KCNQ1: variants seen among roughly 807,000 people sequenced by gnomAD.
KCNQ1 encodes the protein potassium voltage-gated channel subfamily Q member 1, also known as potassium voltage-gated channel subfamily KQT member 1.
KCNQ1 carries 49 observed loss-of-function variants against 72.4 expected under a neutral mutation model. The observed-to-expected ratio is 0.68, with a 90% CI of 0.54 to 0.86. The LOEUF (loss-of-function observed/expected upper bound fraction) is 0.86. KCNQ1 is among the 40% of genes least tolerant of loss of function. KCNQ1 has a pLI of 0.00. For missense variants in KCNQ1, 790 were observed against 945.1 expected (o/e 0.84, Z 2.15); for synonymous variants, 450 against 412.6 (o/e 1.09, Z -1.10).
Position 2,682,880 on chromosome 11 carries a change from T to C in KCNQ1, c.1514+20799T>C, listed in dbSNP as rs541399111. ...AGACCAGGAAACTGAGGCTTGGGGATAGCAGATGTTCCCAGACAGAAAATG... is the reference window on the plus strand; with the variant it reads ...AGACCAGGAAACTGAGGCTTGGGGACAGCAGATGTTCCCAGACAGAAAATG... On this transcript the variant is annotated intron_variant, in intron 11 of 15. Coordinates refer to ENST00000155840, the MANE Select transcript of KCNQ1 (RefSeq NM_000218.3). The surrounding 1 kb of genome is among the most constrained non-coding windows in gnomAD (Gnocchi z 5.8). 2.5e-6 allele frequency: 1 copy of C among 398,634 alleles called. No individual in the cohort carries two copies. Among genetic ancestry groups the C allele is most frequent in the African/African-American group, 2.1e-5 (1 of 48,754 alleles). The allele number at this position is 398,634 out of a possible 1,614,324, so 24.7% of individuals were successfully genotyped here. A position where few individuals can be genotyped will look rare whatever the true frequency, so the allele number is the denominator to read the frequency against.
chr11:2,549,149 G>A lies in KCNQ1; in HGVS notation c.477+21131G>A, dbSNP rs1485748260. 6.6e-6 allele frequency among the ~76,000 whole-genome samples: 1 copy of A among 152,196 alleles called. No homozygotes were observed. The highest frequency in any genetic ancestry group is 1.5e-5 in the Non-Finnish European group (1 of 68,028). On this transcript the variant is annotated intron_variant, in intron 2 of 15. Coordinates refer to ENST00000155840, the MANE Select transcript of KCNQ1 (RefSeq NM_000218.3). This position sits in a 1 kb window ranked among gnomAD's most constrained non-coding sequence, Gnocchi z 6.2. ...GAGATCTGAGAAGCCAGGCTAGGGG[G>A]TTGTGGAGCAAATGATGATGTCTCA...
intron 15 of KCNQ1, among the ~76,000 whole-genome samples, chr11:2,822,852 A>T (rs1847765967): frequency 6.6e-6 from 1 of 152,222 alleles, no homozygotes; most frequent in Non-Finnish European, 1.5e-5. Context: ...CATAGGCCAG[A>T]GTAGGACATT....
intron 11 of KCNQ1, chr11:2,696,597 C>T: frequency 2.5e-6 from 1 of 398,616 alleles, no homozygotes; most frequent in Admixed American, 4.4e-5. Context: ...TTACTCAAGC[C>T]CTCCAACTGG....
intron 10 of KCNQ1, chr11:2,616,126 G>A: frequency 2.5e-6 from 1 of 397,268 alleles, no homozygotes; most frequent in Non-Finnish European, 4.4e-6. Context: ...TATATAATTT[G>A]TTGGTATACA....
At chr11:2,558,630 G>T in intron 2 of KCNQ1, among the ~76,000 whole-genome samples, 1 of 152,318 alleles carries the variant, frequency 6.6e-6, no homozygotes, top group Admixed American at 6.5e-5. Flanking sequence ...GCCGCGCTTC[G>T]GGAACCCCCA....
intron 11 of KCNQ1, chr11:2,692,802 T>C (rs12275726): frequency 0.012 from 4,788 of 398,684 alleles, 203 homozygotes; most frequent in African/African-American, 0.089. Context: ...CTTGAATGAC[T>C]GCATCCCTAA....
In KCNQ1 at chr11:2,733,774, CCACACACACACACACACA is replaced by C. The variant is rs144399150; in HGVS notation, c.1515-35046_1515-35029del. Among the ~76,000 whole-genome samples the C allele has an allele frequency of 3.0e-4, 17 of 57,488 alleles. 1 individual carries two copies. The highest frequency in any genetic ancestry group is 1.0e-3 in the African/African-American group (16 of 15,240). 37.7% of individuals were successfully genotyped at this position (57,488 alleles called of 152,430 possible). ...GGGCAGGAGGGGGACTTCAGGCCTTCCACACACACACACACACACACACACACACACACACACACACTC... is the reference window on the plus strand; with the variant it reads ...GGGCAGGAGGGGGACTTCAGGCCTTCCACACACACACACACACACACACTC... On this transcript the variant is annotated intron_variant, in intron 11 of 15. Transcript: ENST00000155840.
At chr11:2,445,642 C>G (rs1489024867) in intron 1 of KCNQ1, among the ~76,000 whole-genome samples, 158 bp downstream of exon 1, 1 of 152,172 alleles carries the variant, frequency 6.6e-6, no homozygotes, top group Non-Finnish European at 1.5e-5. Flanking sequence ...TCTGCACTCT[C>G]CCTTGAAGTT....
In KCNQ1 at chr11:2,661,636, A is replaced by T; in HGVS notation, c.1394-325A>T. 1.7e-6 allele frequency: 1 copy of T among 590,982 alleles called. No homozygotes were observed. The highest frequency in any genetic ancestry group is 3.0e-6 in the Non-Finnish European group (1 of 331,728). 36.6% of individuals were successfully genotyped at this position (590,982 alleles called of 1,614,324 possible). A position where few individuals can be genotyped will look rare whatever the true frequency, so the allele number is the denominator to read the frequency against. ...TCACCTCTGTTTTATTCTTGACCCA[A>T]GTGTCAGTTGTGAACATGGGAAGAG... is the stretch of plus-strand genomic sequence containing the variant. On this transcript the variant is annotated intron_variant, in intron 10 of 15. Coordinates refer to ENST00000155840, the MANE Select transcript of KCNQ1 (RefSeq NM_000218.3). This position sits in a 1 kb window ranked among gnomAD's most constrained non-coding sequence, Gnocchi z 5.9.
chr11:2,605,957 A>G (rs1848872318), intron 10 of KCNQ1, among the ~76,000 whole-genome samples: 1 of 152,084 alleles, frequency 6.6e-6, no homozygotes, highest in African/African-American at 2.4e-5. Flanking sequence ...TCTTTCAACA[A>G]TGTTTTGTAA....
chr11:2,635,996 G>T (rs868509986), intron 10 of KCNQ1: 4 of 152,258 alleles, frequency 2.6e-5, no homozygotes, highest in African/African-American at 4.8e-5. Context: ...TCTGTTATTG[G>T]TGTATAAGAA....
At position 2,785,079 on chromosome 11, in the gene KCNQ1, A is replaced by C. The variant is rs1413643465; in HGVS notation, c.1794+7042A>C. On this transcript the variant is annotated intron_variant, in intron 15 of 15. Coordinates refer to ENST00000155840, the MANE Select transcript of KCNQ1 (RefSeq NM_000218.3). This position sits in a 1 kb window ranked among gnomAD's most constrained non-coding sequence, Gnocchi z 4.4. The stretch of plus-strand genomic sequence containing the variant: ...AAATATTGACTAGAAGTGCTAGAGC[A>C]GATCTTCTGGGGAAAATCATTCAAT... 6.6e-6 allele frequency among the ~76,000 whole-genome samples: 1 copy of C among 152,048 alleles called. No homozygotes were observed. The highest frequency in any genetic ancestry group is 1.5e-5 in the Non-Finnish European group (1 of 67,862).
intron 2 of KCNQ1, among the ~76,000 whole-genome samples, chr11:2,560,927 A>G (rs1049982199): frequency 5.3e-5 from 8 of 152,078 alleles, no homozygotes; most frequent in African/African-American, 1.9e-4. Flanking sequence ...TGCAGGACAG[A>G]TAGGAACTCC....
At chr11:2,743,782 C>G (rs1325633790) in intron 11 of KCNQ1, among the ~76,000 whole-genome samples, 2 of 152,264 alleles carry the variant, frequency 1.3e-5, no homozygotes, top group Non-Finnish European at 2.9e-5. Flanking sequence ...GGAGTTGCCC[C>G]CAGCAATGAC....
rs1845750146 is a variant in KCNQ1 at position 2,725,783 on chromosome 11, C to A, written c.1515-43061C>A. Among the ~76,000 whole-genome samples, 1 of 149,782 alleles carries A rather than the reference C, an allele frequency of 6.7e-6. No homozygotes were observed. Among genetic ancestry groups the A allele is most frequent in the African/African-American group, 2.4e-5 (1 of 41,024 alleles). ...GAAAGCTATCTCCCCCAGGCCCCACCCCCGCCCCCACCCAAAGCACAGGTC... is the reference window on the plus strand; with the variant it reads ...GAAAGCTATCTCCCCCAGGCCCCACACCCGCCCCCACCCAAAGCACAGGTC... On this transcript the variant is annotated intron_variant, in intron 11 of 15. Coordinates refer to ENST00000155840, the MANE Select transcript of KCNQ1 (RefSeq NM_000218.3). This position sits in a 1 kb window ranked among gnomAD's most constrained non-coding sequence, Gnocchi z 7.2.
chr11:2,691,730 C>G lies in KCNQ1; in HGVS notation c.1514+29649C>G, dbSNP rs1050919606. The G allele has an allele frequency of 1.0e-5, 4 of 398,570 alleles. No individual in the cohort carries two copies. Among genetic ancestry groups the G allele is most frequent in the Non-Finnish European group, 1.8e-5 (4 of 226,102 alleles). The allele number at this position is 398,570 out of a possible 1,614,324, so 24.7% of individuals were successfully genotyped here. A position where few individuals can be genotyped will look rare whatever the true frequency, so the allele number is the denominator to read the frequency against. ...AGGGGAGAGGCAGCCCACAGGGAGC[C>G]ACACAGGCAGGGGACATTCCACTAG... On this transcript the variant is annotated intron_variant, in intron 11 of 15. Coordinates refer to ENST00000155840, the MANE Select transcript of KCNQ1 (RefSeq NM_000218.3). This position sits in a 1 kb window ranked among gnomAD's most constrained non-coding sequence, Gnocchi z 6.4.
chr11:2,720,782 C>T lies in KCNQ1; in HGVS notation c.1515-48062C>T, dbSNP rs185475573. ...GTGTCCCTCTCAGCCAATGGGAAGTCGTGCCCTTGGATCATTTGGGGCAAA... is the reference window on the plus strand; with the variant it reads ...GTGTCCCTCTCAGCCAATGGGAAGTTGTGCCCTTGGATCATTTGGGGCAAA... On this transcript the variant is annotated intron_variant, in intron 11 of 15. Coordinates refer to ENST00000155840, the MANE Select transcript of KCNQ1 (RefSeq NM_000218.3). The surrounding 1 kb of genome is among the most constrained non-coding windows in gnomAD (Gnocchi z 5.1). 2.9e-4 allele frequency among the ~76,000 whole-genome samples: 44 copies of T among 152,206 alleles called. No homozygotes were observed. Among genetic ancestry groups the T allele is most frequent in the Admixed American group, 1.6e-3 (24 of 15,292 alleles).
intron 11 of KCNQ1, among the ~76,000 whole-genome samples, chr11:2,756,455 A>AAAC (rs1430783662): frequency 6.6e-6 from 1 of 150,788 alleles, no homozygotes; most frequent in Admixed American, 6.6e-5. Flanking sequence ...AAAAAAAAAA[A>AAAC]AAACATGACT....
In KCNQ1 at chr11:2,733,814, A is replaced by ACACACACACACTCTCT; in HGVS notation, c.1515-35029_1515-35028insACACACACACTCTCTC. Among the ~76,000 whole-genome samples, 70 of 86,636 alleles carry ACACACACACACTCTCT rather than the reference A, an allele frequency of 8.1e-4. 1 individual carries two copies. The highest frequency in any genetic ancestry group is 1.4e-3 in the African/African-American group (33 of 23,564). The allele number at this position is 86,636 out of a possible 152,430, so 56.8% of individuals were successfully genotyped here. A position where few individuals can be genotyped will look rare whatever the true frequency, so the allele number is the denominator to read the frequency against. ...CACACACACACACACACACACACAC[A>ACACACACACACTCTCT]CTCTCTCACTCTCTCTCTCTCTCTC... On this transcript the variant is annotated intron_variant, in intron 11 of 15. Transcript: ENST00000155840.
Sources: allele counts gnomAD v4.1 joint callset (sites outside exome capture counted in the v4.1 genomes callset), GRCh38; gene constraint gnomAD v4.1.1; non-coding constraint Gnocchi (gnomAD v3.1); transcripts MANE v1.5; gene names NCBI Gene and HGNC (gene_info 2026-07-23, HGNC 2026-07-21).